Variants in RIT2 observed in about 807,000 individuals in gnomAD.
RIT2 encodes Ras like without CAAX 2.
RIT2 carries 24 observed loss-of-function variants against 23.7 expected under a neutral mutation model. The ratio of observed to expected loss-of-function variants is 1.01; its 90% confidence interval spans 0.73 to 1.43. The LOEUF is 1.43. Ranked by LOEUF, RIT2 falls within the 40% of genes most tolerant of loss-of-function variation. The pLI is 0.00. For synonymous variants in RIT2, 107 were observed against 91.1 expected (o/e 1.17, Z -0.99); for missense variants, 236 against 266.9 (o/e 0.88, Z 0.81).
chr18:43,015,262 A>G (rs938131710), intron 2 of RIT2, among the ~76,000 whole-genome samples: 13 of 151,682 alleles, frequency 8.6e-5, no homozygotes, highest in Non-Finnish European at 1.9e-4. Context: ...TAGCATAGCT[A>G]AGAGAAGTGA....
intron 3 of RIT2, among the ~76,000 whole-genome samples, chr18:42,929,394 A>G (rs1474506208): frequency 6.6e-6 from 1 of 152,054 alleles, no homozygotes; most frequent in African/African-American, 2.4e-5. Flanking sequence ...GTCATACTCA[A>G]TAATACTGAC....
chr18:42,785,621 T>A (rs1029823591), intron 4 of RIT2, among the ~76,000 whole-genome samples: 2 of 152,142 alleles, frequency 1.3e-5, no homozygotes, highest in African/African-American at 2.4e-5. Context: ...GAGGTTATTC[T>A]GTTTATGAGG....
chr18:42,920,310 G>T (rs1909022873), intron 4 of RIT2, among the ~76,000 whole-genome samples: 1 of 152,128 alleles, frequency 6.6e-6, no homozygotes, highest in African/African-American at 2.4e-5. Flanking sequence ...ACTGGGTTTT[G>T]TCTCTCAACT....
At chr18:42,873,939 A>G (rs1284271234) in intron 4 of RIT2, among the ~76,000 whole-genome samples, 2 of 152,138 alleles carry the variant, frequency 1.3e-5, no homozygotes, top group South Asian at 2.1e-4. Context: ...CCCTGGGGGA[A>G]CACAACATCA....
intron 4 of RIT2, among the ~76,000 whole-genome samples, chr18:42,816,998 C>A (rs1598666117): frequency 6.6e-6 from 1 of 152,184 alleles, no homozygotes; most frequent in Non-Finnish European, 1.5e-5. Flanking sequence ...GCATTCCCAA[C>A]AAGCTTTCAG....
At chr18:42,892,629 C>A (rs1908211936) in intron 4 of RIT2, among the ~76,000 whole-genome samples, 1 of 152,180 alleles carries the variant, frequency 6.6e-6, no homozygotes, top group African/African-American at 2.4e-5. Flanking sequence ...GAAAATACCC[C>A]AGTCATTTGA....
chr18:43,079,051 C>T (rs541087502), intron 1 of RIT2, among the ~76,000 whole-genome samples: 78 of 152,252 alleles, frequency 5.1e-4, no homozygotes, highest in African/African-American at 1.8e-3. Context: ...GGGCAAACAT[C>T]AAAGATAATT....
chr18:42,756,006 G>T (rs574726036), intron 4 of RIT2, among the ~76,000 whole-genome samples: 1 of 152,006 alleles, frequency 6.6e-6, no homozygotes, highest in East Asian at 1.9e-4. Flanking sequence ...AAGGAGTCTC[G>T]GTAAAGGGAC....
At chr18:42,895,151 C>T (rs1908289681) in intron 4 of RIT2, among the ~76,000 whole-genome samples, 1 of 152,056 alleles carries the variant, frequency 6.6e-6, no homozygotes, top group Non-Finnish European at 1.5e-5. Context: ...TTGGAAACTC[C>T]TTTCAAAACA....
chr18:42,882,478 T>A (rs1487988008), intron 4 of RIT2, among the ~76,000 whole-genome samples: 3 of 152,200 alleles, frequency 2.0e-5, no homozygotes, highest in Non-Finnish European at 1.5e-5. Flanking sequence ...GAAGGAACTA[T>A]CAGTCCAGTT....
chr18:42,829,139 A>G (rs1049891291), intron 4 of RIT2, among the ~76,000 whole-genome samples: 6 of 152,280 alleles, frequency 3.9e-5, no homozygotes, highest in African/African-American at 1.4e-4. Flanking sequence ...TTGGAGCCAG[A>G]AGCCTGACTA....
At chr18:42,870,272 A>AT (rs1292298534) in intron 4 of RIT2, among the ~76,000 whole-genome samples, 4 of 152,032 alleles carry the variant, frequency 2.6e-5, no homozygotes, top group South Asian at 2.1e-4. Context: ...GTACCTTTTT[A>AT]TTTTTTTGAG....
intron 4 of RIT2, among the ~76,000 whole-genome samples, chr18:42,782,062 T>C (rs999218361): frequency 2.6e-5 from 4 of 152,190 alleles, no homozygotes; most frequent in Non-Finnish European, 4.4e-5. Flanking sequence ...CTGTTCAATA[T>C]CTTTCAAAGC....
At chr18:42,910,082 T>G (rs571594919) in intron 4 of RIT2, among the ~76,000 whole-genome samples, 1 of 152,212 alleles carries the variant, frequency 6.6e-6, no homozygotes, top group African/African-American at 2.4e-5. Context: ...AAGAAAATTA[T>G]ATAAACAGCT....
chr18:42,987,054 G>C (rs1332111143), intron 2 of RIT2, among the ~76,000 whole-genome samples: 1 of 152,058 alleles, frequency 6.6e-6, no homozygotes. Flanking sequence ...AAACTGTTTG[G>C]AACTATCAAC....
chr18:42,859,176 T>G (rs903890344), intron 4 of RIT2, among the ~76,000 whole-genome samples: 7 of 152,324 alleles, frequency 4.6e-5, no homozygotes, highest in Non-Finnish European at 5.9e-5. Context: ...TCACCAGCAA[T>G]GTGTGAGAGT....
chr18:42,792,638 G>T (rs1193222876), intron 4 of RIT2, among the ~76,000 whole-genome samples: 1 of 152,110 alleles, frequency 6.6e-6, no homozygotes, highest in Non-Finnish European at 1.5e-5. Flanking sequence ...AAATGAGAAC[G>T]ATAAGGAATG....
At chr18:43,034,062 A>C (rs1259348286) in intron 1 of RIT2, among the ~76,000 whole-genome samples, 195 bp from the exon 2 acceptor site, 1 of 152,186 alleles carries the variant, frequency 6.6e-6, no homozygotes, top group African/African-American at 2.4e-5. Flanking sequence ...ATAATGCCAG[A>C]TACTTCTCTG....
chr18:42,841,766 C>T (rs1395068897), intron 4 of RIT2, among the ~76,000 whole-genome samples: 1 of 151,988 alleles, frequency 6.6e-6, no homozygotes, highest in Non-Finnish European at 1.5e-5. Flanking sequence ...TATGTATATG[C>T]TTCCATGATT....
Sources: gnomAD v4.1 joint callset for allele counts (sites outside exome capture counted in the v4.1 genomes callset) on GRCh38, gnomAD v4.1.1 for gene constraint, MANE v1.5 for transcripts, NCBI Gene and HGNC (gene_info 2026-07-23, HGNC 2026-07-21) for gene names.